The following ANKK1 variants were observed in gnomAD, a reference collection of about 807,000 sequenced individuals.
ANKK1 encodes ankyrin repeat and kinase domain containing 1.
In ANKK1, 37 loss-of-function variants were observed where a neutral mutation model predicts 37.6. The observed-to-expected ratio is 0.98, with a 90% confidence interval of 0.76 to 1.29. The LOEUF (loss-of-function observed/expected upper bound fraction) is 1.29, where lower values mean the gene tolerates loss of function less well. Ranked by LOEUF, ANKK1 falls within the 50% of genes most tolerant of loss-of-function variation. The pLI is 0.00. For missense variants in ANKK1, 1,019 were observed against 990.6 expected (o/e 1.03, Z -0.39); for synonymous variants, 415 against 418.7 (o/e 0.99, Z 0.11).
chr11:113,392,705 G>A (rs1370024494), intron 1 of ANKK1, among the ~76,000 whole-genome samples: 1 of 152,202 alleles, frequency 6.6e-6, no homozygotes, highest in East Asian at 1.9e-4. Context: ...CTTAAGTTTC[G>A]ACTTCTGTTC....
At chr11:113,393,856 G>C (rs562149590) in intron 2 of ANKK1, 81 bp downstream of exon 2, 1 of 1,448,390 alleles carries the variant, frequency 6.9e-7, no homozygotes, top group Non-Finnish European at 9.2e-7. Flanking sequence ...CTGCCTGACC[G>C]GCCTGTCAAG....
intron 4 of ANKK1, 56 bp downstream of exon 4, chr11:113,395,464 C>T (rs1950630404): frequency 2.6e-5 from 41 of 1,582,802 alleles, no homozygotes; most frequent in Middle Eastern, 3.3e-4. Flanking sequence ...GGGATGGGCT[C>T]CTGGAAGGGG....
Position 113,395,026 on chromosome 11 carries a change from C to A in ANKK1, c.578C>A (p.Pro193His). 2 of 1,613,420 alleles carry A rather than the reference C, an allele frequency of 1.2e-6. No individual in the cohort carries two copies. The highest frequency in any genetic ancestry group is 1.1e-5 in the South Asian group (1 of 90,852). Reference protein sequence around the residue: ...ALRGMLSYIPPEMFLESNKAP... With the variant: ...ALRGMLSYIPHEMFLESNKAP... ...CGGGGCATGCTCAGCTACATCCCCC[C>A]TGAGATGTTCCTGGAGAGTAACAAG... Residue 193 changes from proline (P) to histidine (H), a missense_variant, in exon 3 of 8, where the codon CCT becomes CAT. Coordinates refer to ENST00000303941, the MANE Select transcript of ANKK1 (RefSeq NM_178510.2).
chr11:113,396,661 G>T (rs186533020), intron 5 of ANKK1, among the ~76,000 whole-genome samples: 2 of 152,240 alleles, frequency 1.3e-5, no homozygotes, highest in African/African-American at 4.8e-5. Flanking sequence ...TTTGAGGCAG[G>T]ATCTGCATCA....
rs2734848 is a variant in ANKK1 at position 113,399,652 on chromosome 11, C to T, written c.1683C>T (p.Tyr561=). 0.81 allele frequency: 1,303,325 copies of T among 1,601,578 alleles called. 533,360 individuals carry two copies. The highest frequency in any genetic ancestry group is 0.96 in the East Asian group (42,586 of 44,154). Residue 561 remains tyrosine (Y), a synonymous_variant, in exon 8 of 8, where the codon TAC becomes TAT. Transcript: ENST00000303941. The stretch of plus-strand genomic sequence containing the variant: ...CTGATGCCCTTGACCAGAGCGGCTA[C>T]GGCCCACTGCACACTGCAGCTGCCA... ...AVPDALDQSG[Y]GPLHTAAARG... is the part of the protein sequence containing the mutation.
At chr11:113,398,841 G>A in intron 7 of ANKK1, 123 bp from the exon 8 acceptor site, 1 of 814,782 alleles carries the variant, frequency 1.2e-6, no homozygotes. Context: ...CTTAGGAAAG[G>A]CATTGCCCTT....
At position 113,388,310 on chromosome 11, in the gene ANKK1, C is replaced by G. The variant is rs113584199; in HGVS notation, c.185+241C>G. On this transcript the variant is annotated intron_variant, in intron 1 of 7. Coordinates refer to ENST00000303941, the MANE Select transcript of ANKK1 (RefSeq NM_178510.2). ...AGACTCAACAGAGGTCAAAGGCAAG[C>G]GGGAACTACCTACCAAAGACGCCTT... is the stretch of plus-strand genomic sequence containing the variant. Among the ~76,000 whole-genome samples, 998 of 152,314 alleles carry G rather than the reference C, an allele frequency of 6.6e-3. 9 individuals are homozygous for G. Among genetic ancestry groups the G allele is most frequent in the African/African-American group, 0.022 (902 of 41,566 alleles).
chr11:113,398,720 C>A (rs1162822870), intron 7 of ANKK1, among the ~76,000 whole-genome samples: 1 of 152,130 alleles, frequency 6.6e-6, no homozygotes, highest in African/African-American at 2.4e-5. Context: ...GCCTCCTGAG[C>A]CCACTGCTCT....
rs1950641910 is a variant in ANKK1, at chr11:113,396,702, G to A, written c.838+480G>A. Among the ~76,000 whole-genome samples, 5 of 152,160 alleles carry A rather than the reference G, an allele frequency of 3.3e-5. No homozygotes were observed. The South Asian group carries it at 1.0e-3, about 32-fold the overall frequency. The stretch of plus-strand genomic sequence containing the variant: ...CTGGGAAGGCAGCACTGGGAGCCAG[G>A]AGTAGCTGAGGATGGGGTCTGGGCT... On this transcript the variant is annotated intron_variant, in intron 5 of 7. Transcript: ENST00000303941.
At position 113,399,521 on chromosome 11, in the gene ANKK1, G is replaced by A. The variant is rs1427652334; in HGVS notation, c.1552G>A (p.Ala518Thr). The A allele has an allele frequency of 6.3e-7, 1 of 1,595,330 alleles. No individual in the cohort carries two copies. The highest frequency in any genetic ancestry group is 8.5e-7 in the Non-Finnish European group (1 of 1,171,286). ...SLVKLLTSQG[A>T]ELDAQQRNLR... ...GGTCAAGCTGCTGACCAGCCAGGGG[G>A]CTGAGTTGGATGCTCAGCAGAGAAA... The change falls in exon 8 of 8, where the codon GCT (alanine) becomes ACT (threonine). Residue 518 changes from alanine to threonine, a missense_variant. Transcript: ENST00000303941.
chr11:113,393,969 G>C (rs1222608174), intron 2 of ANKK1, among the ~76,000 whole-genome samples, 194 bp downstream of exon 2: 1 of 152,198 alleles, frequency 6.6e-6, no homozygotes, highest in Non-Finnish European at 1.5e-5. Flanking sequence ...TGGGTATCAG[G>C]ATGCCTATAA....
chr11:113,388,936 G>T (rs11214595), intron 1 of ANKK1, among the ~76,000 whole-genome samples: 54,830 of 151,896 alleles, frequency 0.36, 12,876 homozygotes, highest in Non-Finnish European at 0.53. Flanking sequence ...TCCGGGACGG[G>T]GGTCTCTCTG....
chr11:113,388,893 TC>T (rs1950567673), intron 1 of ANKK1, among the ~76,000 whole-genome samples: 2 of 152,168 alleles, frequency 1.3e-5, no homozygotes, highest in Non-Finnish European at 2.9e-5. Context: ...AACCATGTCC[TC>T]CTCCCAAGGC....
chr11:113,390,088 T>A (rs936097798), intron 1 of ANKK1, among the ~76,000 whole-genome samples: 1 of 151,970 alleles, frequency 6.6e-6, no homozygotes, highest in South Asian at 2.1e-4. Context: ...ATGGGGAGGA[T>A]CACGATGAGG....
Position 113,395,395 on chromosome 11 carries a change from G to C in ANKK1, c.669G>C (p.Lys223Asn). The C allele has an allele frequency of 6.2e-7, 1 of 1,613,970 alleles. No individual in the cohort carries two copies. The highest frequency in any genetic ancestry group is 2.2e-5 in the East Asian group (1 of 44,874). Residue 223 changes from lysine (K) to asparagine (N), a missense_variant, in exon 4 of 8, where the codon AAG (lysine) becomes AAC (asparagine). By Grantham distance (94) the Lys-to-Asn change is moderately conservative (BLOSUM62 0). Transcript: ENST00000303941. ...TCATCTGGGAGCTACTCACTCAGAA[G>C]AAACCATACTCAGGTAAGCAGGCGG... ...AIVIWELLTQ[K>N]KPYSGFNMMM...
chr11:113,393,844 A>C, intron 2 of ANKK1, 69 bp downstream of exon 2: 2 of 1,484,076 alleles, frequency 1.3e-6, no homozygotes, highest in Non-Finnish European at 1.8e-6. Flanking sequence ...AGAATTATCC[A>C]CCTGCCTGAC....
Position 113,393,555 on chromosome 11 carries a change from A to G in ANKK1, c.260A>G (p.Tyr87Cys), listed in dbSNP as rs1555161652. ...AAGTTTCAGCACATCGTGTCTATCT[A>G]CGGGGTGTGCAAGCAGCCCCTGGGT... Reference protein sequence around the residue: ...KIKFQHIVSIYGVCKQPLGIV... With the variant: ...KIKFQHIVSICGVCKQPLGIV... The change falls in exon 2 of 8, where the codon TAC becomes TGC. Residue 87 changes from tyrosine to cysteine, a missense_variant. Transcript: ENST00000303941. 2.8e-5 allele frequency: 45 copies of G among 1,614,002 alleles called. No homozygotes were observed. Among genetic ancestry groups the G allele is most frequent in the Non-Finnish European group, 3.3e-5 (39 of 1,179,898 alleles).
rs368179456 is a variant in ANKK1 at position 113,398,914 on chromosome 11, T to A, written c.995-50T>A. The A allele has an allele frequency of 1.2e-4, 175 of 1,505,960 alleles. No homozygotes were observed. The African/African-American group carries it at 2.3e-3, about 20-fold the overall frequency. 93.3% of individuals were successfully genotyped at this position (1,505,960 alleles called of 1,614,324 possible). On this transcript the variant is annotated intron_variant, in intron 7 of 7. Transcript: ENST00000303941. The stretch of plus-strand genomic sequence containing the variant: ...AGGCAGGGGGATGGCCATGATGACC[T>A]CTGGACGGGTCACAGGTCTTTTTTT...
chr11:113,395,590 A>C (rs1950631409), intron 4 of ANKK1, among the ~76,000 whole-genome samples, 182 bp downstream of exon 4: 1 of 152,216 alleles, frequency 6.6e-6, no homozygotes, highest in East Asian at 1.9e-4. Flanking sequence ...TCTAGAGCTC[A>C]CGTCACAGCT....
Sources: gnomAD v4.1 joint callset for allele counts (sites outside exome capture counted in the v4.1 genomes callset) on GRCh38, gnomAD v4.1.1 for gene constraint, MANE v1.5 for transcripts, NCBI Gene and HGNC (gene_info 2026-07-23, HGNC 2026-07-21) for gene names.